The following NEDD4L variants were observed in gnomAD, a reference collection of about 807,000 sequenced individuals.
NEDD4L encodes the protein NEDD4 like E3 ubiquitin protein ligase.
A neutral mutation model predicts 148.9 loss-of-function variants in NEDD4L; 54 were observed. The observed-to-expected ratio is 0.36, with a 90% CI of 0.29 to 0.45. The LOEUF is 0.45. NEDD4L is among the 20% of genes least tolerant of loss of function. NEDD4L has a pLI of 1.00. For synonymous variants in NEDD4L, 433 were observed against 440.7 expected, an observed-to-expected ratio of 0.98 and a Z score of 0.22; for missense variants, 856 against 1,233.8, an observed-to-expected ratio of 0.69 and a Z score of 4.59.
chr18:58,259,893 C>T (rs1467386192), intron 5 of NEDD4L, among the ~76,000 whole-genome samples: 1 of 152,164 alleles, frequency 6.6e-6, no homozygotes, highest in Non-Finnish European at 1.5e-5. Context: ...TTTTATTGAA[C>T]AACAAAGGAA....
At chr18:58,167,717 A>G (rs1195473052) in intron 2 of NEDD4L, among the ~76,000 whole-genome samples, 1 of 152,120 alleles carries the variant, frequency 6.6e-6, no homozygotes, top group Non-Finnish European at 1.5e-5. Context: ...CATCAAGGGA[A>G]AAAAAAACAA....
chr18:58,051,593 G>T (rs1364912520), intron 1 of NEDD4L, among the ~76,000 whole-genome samples: 1 of 152,140 alleles, frequency 6.6e-6, no homozygotes, highest in Non-Finnish European at 1.5e-5. Context: ...TTTATTTTGA[G>T]TTACAAGATC....
chr18:58,209,070 G>A (rs2042247499), intron 2 of NEDD4L, among the ~76,000 whole-genome samples: 1 of 151,678 alleles, frequency 6.6e-6, no homozygotes, highest in Admixed American at 6.6e-5. Flanking sequence ...AATGTGAAAT[G>A]AAGAGTGAAA....
At chr18:58,249,060 AG>A (rs2047602493) in intron 4 of NEDD4L, 123 bp downstream of exon 4, 1 of 558,396 alleles carries the variant, frequency 1.8e-6, no homozygotes, top group Non-Finnish European at 3.1e-6. Flanking sequence ...GATGAAAAAT[AG>A]GTAGCCTCCT....
chr18:58,378,995 G>C (rs2047961846), intron 24 of NEDD4L, among the ~76,000 whole-genome samples: 1 of 152,230 alleles, frequency 6.6e-6, no homozygotes. Flanking sequence ...CTACTGCAGT[G>C]TTCTCCCACG....
chr18:58,304,017 T>C (rs1429107939), intron 5 of NEDD4L, among the ~76,000 whole-genome samples: 1 of 152,008 alleles, frequency 6.6e-6, no homozygotes, highest in Admixed American at 6.6e-5. Flanking sequence ...CTGGGAGCAC[T>C]TCTTCCCCCT....
intron 2 of NEDD4L, among the ~76,000 whole-genome samples, chr18:58,233,266 C>A (rs2082892962): frequency 6.6e-6 from 1 of 152,106 alleles, no homozygotes. Flanking sequence ...TTGTATTAGT[C>A]CGTTTTCACG....
intron 1 of NEDD4L, among the ~76,000 whole-genome samples, chr18:58,120,867 A>G (rs1598925134): frequency 7.0e-6 from 1 of 143,036 alleles, no homozygotes; most frequent in South Asian, 2.3e-4. Flanking sequence ...TCACTCCCCC[A>G]TCCCCACTGG....
At chr18:58,152,959 G>A (rs1043648891) in intron 1 of NEDD4L, among the ~76,000 whole-genome samples, 2 of 152,168 alleles carry the variant, frequency 1.3e-5, no homozygotes, top group Non-Finnish European at 2.9e-5. Context: ...ATTCCGTGAC[G>A]GTTGACAGCC....
rs73959604 is a variant in NEDD4L, at chr18:58,309,531, A to G, written c.298-6451A>G. ...TCCAGGTGAGGATGTGCGGGGAGAG[A>G]TGCCTCCTGCCTGTGGCTGAGCCCT... On this transcript the variant is annotated intron_variant, in intron 5 of 30. Transcript: ENST00000400345. 3.9e-5 allele frequency among the ~76,000 whole-genome samples: 6 copies of G among 152,062 alleles called. No homozygotes were observed. The East Asian group carries it at 1.2e-3, about 29-fold the overall frequency.
intron 1 of NEDD4L, among the ~76,000 whole-genome samples, chr18:58,092,062 T>G (rs924165382): frequency 6.6e-6 from 1 of 152,226 alleles, no homozygotes; most frequent in African/African-American, 2.4e-5. Context: ...TAGCTTTGTG[T>G]CAACTCCAAG....
intron 1 of NEDD4L, chr18:58,045,253 C>T (rs1052599790): frequency 1.3e-5 from 5 of 397,250 alleles, no homozygotes; most frequent in African/African-American, 1.0e-4. Context: ...GTGTCCCTCC[C>T]CTCGTTTTGC....
chr18:58,295,267 A>G (rs751762878), intron 5 of NEDD4L, among the ~76,000 whole-genome samples: 1 of 152,232 alleles, frequency 6.6e-6, no homozygotes, highest in Non-Finnish European at 1.5e-5. Flanking sequence ...TCATCTGTTC[A>G]TCCCTACCAT....
intron 19 of NEDD4L, among the ~76,000 whole-genome samples, chr18:58,359,315 C>T (rs1274864750): frequency 6.6e-6 from 1 of 152,064 alleles, no homozygotes; most frequent in East Asian, 1.9e-4. Flanking sequence ...TCTCTATGTG[C>T]TTGCAGGCTG....
chr18:58,280,117 G>A (rs1014149901), intron 5 of NEDD4L, among the ~76,000 whole-genome samples: 11 of 152,172 alleles, frequency 7.2e-5, no homozygotes, highest in Middle Eastern at 3.4e-3. Flanking sequence ...TGTGTTTCCC[G>A]GGCTGGTCTC....
intron 1 of NEDD4L, among the ~76,000 whole-genome samples, chr18:58,154,016 T>G (rs769680402): frequency 1.1e-4 from 17 of 152,218 alleles, no homozygotes; most frequent in Non-Finnish European, 1.8e-4. Context: ...GTGTGTGGCA[T>G]TAAAGTCAAA....
intron 2 of NEDD4L, among the ~76,000 whole-genome samples, chr18:58,203,060 T>C (rs2056542341): frequency 6.6e-6 from 1 of 152,130 alleles, no homozygotes; most frequent in Non-Finnish European, 1.5e-5. Context: ...CTTGAGCTCC[T>C]GGACCCAAGT....
At chr18:58,202,420 A>G (rs2041516501) in intron 2 of NEDD4L, among the ~76,000 whole-genome samples, 1 of 152,264 alleles carries the variant, frequency 6.6e-6, no homozygotes, top group South Asian at 2.1e-4. Context: ...CAGCAATGTA[A>G]GATGTCAGGC....
intron 16 of NEDD4L, among the ~76,000 whole-genome samples, chr18:58,349,041 A>G (rs1197072028): frequency 1.3e-5 from 2 of 152,186 alleles, no homozygotes; most frequent in African/African-American, 4.8e-5. Context: ...CCAGATTGAC[A>G]TTCTCTGCTG....
Sources: gnomAD v4.1 joint callset for allele counts (sites outside exome capture counted in the v4.1 genomes callset) on GRCh38, gnomAD v4.1.1 for gene constraint, MANE v1.5 for transcripts, NCBI Gene and HGNC (gene_info 2026-07-23, HGNC 2026-07-21) for gene names.